The following METTL21A variants were observed in gnomAD, a reference collection of about 807,000 sequenced individuals.
METTL21A encodes the protein methyltransferase 21A, HSPA lysine.
A neutral mutation model predicts 20.9 loss-of-function variants in METTL21A; 22 were observed. The ratio of observed to expected loss-of-function variants is 1.05; its 90% CI spans 0.75 to 1.50. The LOEUF (loss-of-function observed/expected upper bound fraction) is 1.50, where lower values mean the gene tolerates loss of function less well. METTL21A is among the 40% of genes most tolerant of loss of function. METTL21A has a pLI of 0.00. For missense variants in METTL21A, 271 were observed against 266.8 expected (o/e 1.02, Z -0.11); for synonymous variants, 93 against 102.0 (o/e 0.91, Z 0.53).
chr2:207,587,459 A>G (rs945247547), intron 3 of METTL21A, among the ~76,000 whole-genome samples: 37 of 152,216 alleles, frequency 2.4e-4, no homozygotes, highest in East Asian at 1.4e-3. Context: ...TGATCTAGCA[A>G]TCCTACTACT....
At chr2:207,598,664 T>G (rs1340299694) in intron 3 of METTL21A, 4 of 165,144 alleles carry the variant, frequency 2.4e-5, no homozygotes, top group Non-Finnish European at 5.3e-5. Flanking sequence ...CTGGCCATCA[T>G]GGTGAAACCC....
In METTL21A at chr2:207,621,865, CG is replaced by C; in HGVS notation, c.199del (p.Arg67AlafsTer15). 1.9e-6 allele frequency: 3 copies of C among 1,614,184 alleles called. No homozygotes were observed. Among genetic ancestry groups the C allele is most frequent in the Non-Finnish European group, 2.5e-6 (3 of 1,180,030 alleles). Reference sequence around the variant, plus strand: ...GCCAGCACCCAGCTCCACGGCAGAGCGGCCCCTGAGCTCCACAGCTCCCATC... The same window carrying C: ...GCCAGCACCCAGCTCCACGGCAGAGCGCCCCTGAGCTCCACAGCTCCCATC... On this transcript the variant is annotated frameshift_variant, in exon 3 of 4. Coordinates refer to ENST00000406927, the Ensembl canonical transcript of METTL21A. LOFTEE classifies it high-confidence loss of function.
intron 3 of METTL21A, among the ~76,000 whole-genome samples, chr2:207,589,150 T>C (rs2084487341): frequency 1.3e-5 from 2 of 152,208 alleles, no homozygotes; most frequent in Middle Eastern, 3.2e-3. Context: ...AACACAAATG[T>C]ATTGTTTTCC....
At chr2:207,582,283 C>A in intron 3 of METTL21A, 1 of 635,036 alleles carries the variant, frequency 1.6e-6, no homozygotes, top group Non-Finnish European at 2.8e-6. Context: ...TAAAGTTTTG[C>A]CCACCAGTTT....
intron 3 of METTL21A, among the ~76,000 whole-genome samples, chr2:207,588,263 A>G (rs1185109348): frequency 6.6e-6 from 1 of 152,142 alleles, no homozygotes; most frequent in African/African-American, 2.4e-5. Flanking sequence ...ATATAGGAAC[A>G]TCCATTTGTT....
exon 4 of METTL21A, chr2:207,613,069 T>C: frequency 6.4e-7 from 1 of 1,568,988 alleles, no homozygotes; most frequent in Non-Finnish European, 8.6e-7. Context: ...TTCTGGTTTC[T>C]CTTCTGTGCT....
chr2:207,601,479 C>T (rs939297104), intron 3 of METTL21A: 19 of 192,360 alleles, frequency 9.9e-5, no homozygotes, highest in Non-Finnish European at 1.6e-4. Flanking sequence ...AATTAAAAGA[C>T]GGGCTCAAAC....
intron 3 of METTL21A, among the ~76,000 whole-genome samples, chr2:207,603,916 AAGC>A (rs2087586165): frequency 6.6e-6 from 1 of 152,208 alleles, no homozygotes; most frequent in African/African-American, 2.4e-5. Flanking sequence ...ATCTGAAAAT[AAGC>A]AGCTGCATTA....
chr2:207,625,441 C>G, upstream of METTL21A: 1 of 152,102 alleles, frequency 6.6e-6, no homozygotes, highest in Non-Finnish European at 1.5e-5. Context: ...GAGCTCACGG[C>G]GAGGGCGGGG....
chr2:207,601,972 A>G (rs2087135432), intron 3 of METTL21A: 1 of 208,266 alleles, frequency 4.8e-6, no homozygotes, highest in Non-Finnish European at 9.8e-6. Flanking sequence ...TTCTAGAATC[A>G]ATGGCTAGGA....
chr2:207,621,660 C>A, intron 3 of METTL21A, 146 bp downstream of exon 3: 1 of 659,310 alleles, frequency 1.5e-6, no homozygotes. Flanking sequence ...GTTAAGAACC[C>A]CAGCAGTTGG....
At chr2:207,618,276 T>C (rs1171643473) in intron 3 of METTL21A, among the ~76,000 whole-genome samples, 1 of 152,178 alleles carries the variant, frequency 6.6e-6, no homozygotes, top group African/African-American at 2.4e-5. Context: ...AGTTCCCTCT[T>C]ATCTGCAAGG....
At chr2:207,605,337 T>C (rs1454358381), downstream of METTL21A, among the ~76,000 whole-genome samples, 1 of 152,218 alleles carries the variant, frequency 6.6e-6, no homozygotes, top group Non-Finnish European at 1.5e-5. Flanking sequence ...TTTTGTTGTC[T>C]TTGGCCATCT....
intron 3 of METTL21A, among the ~76,000 whole-genome samples, chr2:207,617,660 T>C (rs895791240): frequency 6.6e-6 from 1 of 152,194 alleles, no homozygotes; most frequent in Non-Finnish European, 1.5e-5. Context: ...GGTCATGCCA[T>C]CAATTTTGCA....
At chr2:207,590,906 A>G (rs1028379385) in intron 3 of METTL21A, among the ~76,000 whole-genome samples, 1 of 152,132 alleles carries the variant, frequency 6.6e-6, no homozygotes, top group Non-Finnish European at 1.5e-5. Context: ...GTGTCCCACA[A>G]ATTTTGGGTT....
intron 2 of METTL21A, 117 bp from the exon 3 acceptor site, chr2:207,622,034 C>T (rs561451187): frequency 1.2e-6 from 1 of 815,440 alleles, no homozygotes; most frequent in East Asian, 2.6e-5. Flanking sequence ...CCCAGCTTAA[C>T]AACACACACA....
chr2:207,596,907 C>T, intron 3 of METTL21A: 1 of 1,600,650 alleles, frequency 6.2e-7, no homozygotes, highest in Non-Finnish European at 8.5e-7. Flanking sequence ...TCCTCTTTTG[C>T]TTGTAGGGAA....
chr2:207,626,031 C>A (rs118167835), upstream of METTL21A: 3 of 152,322 alleles, frequency 2.0e-5, no homozygotes, highest in Admixed American at 1.3e-4. Context: ...GGCGTGCGCT[C>A]GGCTCCAGCC....
intron 3 of METTL21A, among the ~76,000 whole-genome samples, chr2:207,592,489 C>T (rs973839808): frequency 2.0e-5 from 3 of 152,124 alleles, no homozygotes; most frequent in African/African-American, 7.2e-5. Flanking sequence ...TGCTCCTTTT[C>T]TTCCTCTGCC....
Sources: gnomAD v4.1 joint callset for allele counts (sites outside exome capture counted in the v4.1 genomes callset) on GRCh38, gnomAD v4.1.1 for gene constraint, MANE v1.5 for transcripts, NCBI Gene and HGNC (gene_info 2026-07-23, HGNC 2026-07-21) for gene names.